Variants in CATSPERD observed in about 807,000 individuals in gnomAD.
CATSPERD encodes the protein cation channel sperm-associated auxiliary subunit delta.
Under a neutral mutation model 98.1 loss-of-function variants are expected in CATSPERD, and 86 were observed. The ratio of observed to expected loss-of-function variants is 0.88; its 90% confidence interval spans 0.74 to 1.05. CATSPERD has a LOEUF of 1.05. Ranked by LOEUF, CATSPERD falls within the 50% of genes least tolerant of loss-of-function variation. The probability of loss-of-function intolerance (pLI) is 0.00; values close to 1 mark genes in which losing one functional copy is unlikely to be tolerated. For missense variants in CATSPERD, 995 were observed against 1,005.7 expected, an observed-to-expected ratio of 0.99 and a Z score of 0.14; for synonymous variants, 394 against 390.2, an observed-to-expected ratio of 1.01 and a Z score of -0.12.
Position 5,759,104 on chromosome 19 carries a change from C to T in CATSPERD, c.1387C>T (p.Gln463Ter), listed in dbSNP as rs1027472973. ...CCCACAGGATATTTTCCTAAAACAG[C>T]AGCAGCACTGGGGCAGGACCGACTC... ...KYKLDIFLKQQQHWGRTDSNF... is the reference protein window; with the variant it reads ...KYKLDIFLKQ The change falls in exon 15 of 22, where the codon CAG becomes TAG. Residue 463 changes from glutamine to a stop codon, truncating the protein, a stop_gained. Coordinates refer to ENST00000381624, the MANE Select transcript of CATSPERD (RefSeq NM_152784.4). LOFTEE classifies it high-confidence loss of function. The T allele has an allele frequency of 6.8e-6, 11 of 1,613,724 alleles. No homozygotes were observed. Among genetic ancestry groups the T allele is most frequent in the Non-Finnish European group, 9.3e-6 (11 of 1,179,936 alleles).
chr19:5,746,751 A>G (rs2056102535), intron 9 of CATSPERD, among the ~76,000 whole-genome samples: 1 of 152,008 alleles, frequency 6.6e-6, no homozygotes, highest in Admixed American at 6.6e-5. Context: ...AACATGTGGG[A>G]AGGCTAATGG....
At chr19:5,767,972 A>G (rs1329752209) in intron 17 of CATSPERD, among the ~76,000 whole-genome samples, 196 bp from the exon 18 acceptor site, 1 of 151,816 alleles carries the variant, frequency 6.6e-6, no homozygotes, top group Non-Finnish European at 1.5e-5. Context: ...AACTTTTTGT[A>G]TCTTTAGTAG....
Position 5,727,260 on chromosome 19 carries a change from C to T in CATSPERD, c.127-8C>T. The T allele has an allele frequency of 6.2e-7, 1 of 1,603,904 alleles. No individual in the cohort carries two copies. Among genetic ancestry groups the T allele is most frequent in the Non-Finnish European group, 8.5e-7 (1 of 1,172,486 alleles). ...GATATTATTAAGATTTTGTGATTAT[C>T]TCTCTAGGACCGCCTGTATTTTCAT... is the stretch of plus-strand genomic sequence containing the variant. On this transcript the variant is annotated splice_polypyrimidine_tract_variant and splice_region_variant and intron_variant, in intron 2 of 21. Coordinates refer to ENST00000381624, the MANE Select transcript of CATSPERD (RefSeq NM_152784.4).
chr19:5,730,788 G>A (rs1327413167), intron 4 of CATSPERD, among the ~76,000 whole-genome samples: 2 of 151,204 alleles, frequency 1.3e-5, no homozygotes, highest in Admixed American at 6.6e-5. Flanking sequence ...CGAGGCAGGC[G>A]CATCAGGAGG....
At chr19:5,735,300 G>C (rs2055820950) in intron 5 of CATSPERD, among the ~76,000 whole-genome samples, 2 of 151,726 alleles carry the variant, frequency 1.3e-5, no homozygotes, top group Admixed American at 6.6e-5. Context: ...ACCACGCCTG[G>C]CTAATTTTTT....
chr19:5,735,474 C>G (rs2055825349), intron 5 of CATSPERD, among the ~76,000 whole-genome samples: 1 of 143,292 alleles, frequency 7.0e-6, no homozygotes, highest in Non-Finnish European at 1.5e-5. Context: ...CCACGCCCAG[C>G]TAATTTTTTT....
At chr19:5,732,392 A>T (rs1338487150) in intron 4 of CATSPERD, among the ~76,000 whole-genome samples, 1 of 151,984 alleles carries the variant, frequency 6.6e-6, no homozygotes, top group Non-Finnish European at 1.5e-5. Context: ...GTATCTAAGA[A>T]CCAACCAACT....
chr19:5,748,842 C>T (rs538768824), intron 10 of CATSPERD, among the ~76,000 whole-genome samples: 2 of 144,122 alleles, frequency 1.4e-5, no homozygotes, highest in African/African-American at 5.1e-5. Flanking sequence ...GATTCTCCTG[C>T]CTCAGCCTCC....
chr19:5,761,851 G>A (rs1417422178), intron 15 of CATSPERD, among the ~76,000 whole-genome samples: 3 of 150,810 alleles, frequency 2.0e-5, no homozygotes, highest in East Asian at 2.0e-4. Flanking sequence ...TATAGTTCCC[G>A]AGTAGCTGGG....
intron 15 of CATSPERD, among the ~76,000 whole-genome samples, chr19:5,762,735 TAG>T (rs748204433): frequency 8.8e-5 from 13 of 147,738 alleles, no homozygotes; most frequent in African/African-American, 3.3e-4. Context: ...AGTGGATGGA[TAG>T]AGAGATGGAT....
At chr19:5,746,766 A>G (rs1200358998) in intron 9 of CATSPERD, among the ~76,000 whole-genome samples, 1 of 151,344 alleles carries the variant, frequency 6.6e-6, no homozygotes, top group Non-Finnish European at 1.5e-5. Flanking sequence ...TAATGGTTGT[A>G]TTCCTGGGAG....
chr19:5,750,877 C>A (rs1443200893), intron 11 of CATSPERD, among the ~76,000 whole-genome samples: 2 of 151,798 alleles, frequency 1.3e-5, no homozygotes, highest in Non-Finnish European at 2.9e-5. Context: ...CTCTTTCTCT[C>A]TTCCTTTCTC....
At chr19:5,775,946 A>G (rs947031660) in intron 20 of CATSPERD, among the ~76,000 whole-genome samples, 1 of 152,020 alleles carries the variant, frequency 6.6e-6, no homozygotes, top group African/African-American at 2.4e-5. Flanking sequence ...TCGGCCTCCA[A>G]CAGAGGCAGG....
chr19:5,752,845 T>A (rs1001381281), intron 12 of CATSPERD, among the ~76,000 whole-genome samples: 1 of 151,696 alleles, frequency 6.6e-6, no homozygotes, highest in African/African-American at 2.4e-5. Flanking sequence ...CTGGCCAACA[T>A]GGCGAAACCC....
chr19:5,742,208 GCATGTGTGTA>G (rs11277996), intron 7 of CATSPERD, among the ~76,000 whole-genome samples: 63,172 of 146,172 alleles, frequency 0.43, 14,039 homozygotes, highest in Non-Finnish European at 0.48. Context: ...GTACATGTGT[GCATGTGTGTA>G]CATGTGTGTG....
intron 7 of CATSPERD, among the ~76,000 whole-genome samples, chr19:5,740,313 C>T (rs1191956747): frequency 1.4e-5 from 2 of 145,006 alleles, no homozygotes; most frequent in African/African-American, 2.6e-5. Flanking sequence ...ATAAGCTGGG[C>T]GCAGTGGCTC....
intron 1 of CATSPERD, among the ~76,000 whole-genome samples, chr19:5,724,528 T>C (rs2055566010): frequency 6.6e-6 from 1 of 152,062 alleles, no homozygotes; most frequent in African/African-American, 2.4e-5. Context: ...TGAAACCCTA[T>C]CTCTACTAAA....
chr19:5,771,759 T>G (rs753947704), intron 19 of CATSPERD, among the ~76,000 whole-genome samples: 4 of 151,388 alleles, frequency 2.6e-5, no homozygotes, highest in Non-Finnish European at 5.9e-5. Flanking sequence ...TTAGTAGAGA[T>G]GGGGTTTTAC....
chr19:5,768,189 G>A lies in CATSPERD; in HGVS notation c.1581G>A (p.Met527Ile), dbSNP rs560062618. The A allele has an allele frequency of 3.1e-6, 5 of 1,613,702 alleles. No individual in the cohort carries two copies. The South Asian group carries it at 5.5e-5, about 18-fold the overall frequency. Residue 527 changes from methionine (M) to isoleucine (I), a missense_variant, in exon 18 of 22, where the codon ATG becomes ATA. By Grantham distance (10) the Met-to-Ile change is conservative. Coordinates refer to ENST00000381624, the MANE Select transcript of CATSPERD (RefSeq NM_152784.4). The part of the protein sequence containing the change: ...VIQNKVSACS[M>I]GILDPLTLQD... The stretch of plus-strand genomic sequence containing the variant: ...GCAGCAAAGTTTCCGCCTGTTCCAT[G>A]GGCATCCTGGACCCCTTGACCCTGC...
Sources: allele counts gnomAD v4.1 joint callset (sites outside exome capture counted in the v4.1 genomes callset), GRCh38; gene constraint gnomAD v4.1.1; transcripts MANE v1.5; gene names NCBI Gene and HGNC (gene_info 2026-07-23, HGNC 2026-07-21).